Variants in DNAAF10 observed in about 807,000 individuals in gnomAD.
DNAAF10 encodes the protein dynein axonemal assembly factor 10.
DNAAF10 carries 28 observed loss-of-function variants against 43.7 expected under a neutral mutation model. The ratio of observed to expected loss-of-function variants is 0.64; its 90% CI spans 0.48 to 0.88. The LOEUF is 0.88. Ranked by LOEUF, DNAAF10 falls within the 40% of genes least tolerant of loss-of-function variation. The pLI, the probability that DNAAF10 is intolerant of heterozygous loss-of-function variation, is 0.00. For synonymous variants in DNAAF10, 156 were observed against 157.3 expected (o/e 0.99, Z 0.06); for missense variants, 403 against 439.1 (o/e 0.92, Z 0.73).
In DNAAF10 at chr2:68,153,785, C is replaced by G. The variant is rs1198624381; in HGVS notation, c.183+3476G>C. Among the ~76,000 whole-genome samples the G allele has an allele frequency of 4.7e-5, 6 of 128,098 alleles. No individual in the cohort carries two copies. The East Asian group carries it at 1.4e-3, about 30-fold the overall frequency. The allele number at this position is 128,098 out of a possible 152,430, so 84.0% of individuals were successfully genotyped here. On this transcript the variant is annotated intron_variant, in intron 1 of 7. Coordinates refer to ENST00000295121, the MANE Select transcript of DNAAF10 (RefSeq NM_138458.4). ...TTTTTTTTTTGGAGACAGAGTCTTCCTCTGTCTTCAGGCTGGAGTGCAATG... is the reference window on the plus strand; with the variant it reads ...TTTTTTTTTTGGAGACAGAGTCTTCGTCTGTCTTCAGGCTGGAGTGCAATG...
At chr2:68,136,818 A>T (rs1673054998) in intron 6 of DNAAF10, among the ~76,000 whole-genome samples, 1 of 152,210 alleles carries the variant, frequency 6.6e-6, no homozygotes, top group African/African-American at 2.4e-5. Context: ...AGGCAAAGTT[A>T]AGTAAGTAAA....
chr2:68,134,284 G>C, intron 7 of DNAAF10: 1 of 1,007,670 alleles, frequency 9.9e-7, no homozygotes, highest in Non-Finnish European at 1.2e-6. Context: ...AGCAAATTCA[G>C]TGATAAGATC....
intron 2 of DNAAF10, among the ~76,000 whole-genome samples, chr2:68,145,617 T>C (rs1244887864): frequency 6.6e-6 from 1 of 152,218 alleles, no homozygotes; most frequent in Non-Finnish European, 1.5e-5. Context: ...ACTGATTTTC[T>C]ACTGACATAT....
intron 2 of DNAAF10, among the ~76,000 whole-genome samples, chr2:68,146,823 TC>T (rs1481551268): frequency 6.6e-6 from 1 of 152,180 alleles, no homozygotes; most frequent in African/African-American, 2.4e-5. Flanking sequence ...TCTAGAACTT[TC>T]TCCATAATAT....
intron 3 of DNAAF10, among the ~76,000 whole-genome samples, chr2:68,142,278 T>C (rs1207855411): frequency 6.6e-6 from 1 of 152,210 alleles, no homozygotes; most frequent in Non-Finnish European, 1.5e-5. Flanking sequence ...TCTTTTGTTT[T>C]GAGATGGAGT....
At position 68,130,170 on chromosome 2, in the gene DNAAF10, G is replaced by T. The variant is rs368337416; in HGVS notation, c.*1068C>A. On this transcript the variant is annotated 3_prime_UTR_variant, in exon 8 of 8. Transcript: ENST00000295121. The stretch of plus-strand genomic sequence containing the variant: ...TTTTGAGACGGAGTCTCACTCTGTC[G>T]CCAGGGCTGGAGTGCAGTGGCGCAA... 2.2e-4 allele frequency: 30 copies of T among 136,854 alleles called. No homozygotes were observed. The highest frequency in any genetic ancestry group is 6.1e-5 in the Non-Finnish European group (4 of 65,634). 8.5% of individuals were successfully genotyped at this position (136,854 alleles called of 1,614,324 possible).
intron 1 of DNAAF10, among the ~76,000 whole-genome samples, chr2:68,153,876 T>C (rs923576488): frequency 1.3e-5 from 2 of 150,132 alleles, no homozygotes; most frequent in Non-Finnish European, 3.0e-5. Context: ...CTCAGCCTCC[T>C]GAGTAGCTGG....
At chr2:68,136,345 G>A (rs1401089842) in intron 6 of DNAAF10, among the ~76,000 whole-genome samples, 1 of 151,918 alleles carries the variant, frequency 6.6e-6, no homozygotes, top group Non-Finnish European at 1.5e-5. Flanking sequence ...GATTTATGTT[G>A]TTGATAGATA....
At chr2:68,150,946 C>A (rs994892223) in intron 1 of DNAAF10, among the ~76,000 whole-genome samples, 2 of 152,162 alleles carry the variant, frequency 1.3e-5, no homozygotes, top group African/African-American at 4.8e-5. Context: ...AACAGCACTG[C>A]AATGTGCAGA....
At chr2:68,150,406 C>T (rs1673424942) in intron 1 of DNAAF10, among the ~76,000 whole-genome samples, 1 of 151,980 alleles carries the variant, frequency 6.6e-6, no homozygotes, top group Non-Finnish European at 1.5e-5. Context: ...TCTTAGCTTG[C>T]CTGGTAGAAA....
intron 1 of DNAAF10, among the ~76,000 whole-genome samples, chr2:68,154,498 G>A (rs1228064037): frequency 8.6e-5 from 13 of 151,866 alleles, no homozygotes; most frequent in African/African-American, 2.9e-4. Context: ...CACCCGCCTC[G>A]GCCTCCCAAA....
chr2:68,132,199 C>A (rs903500607), intron 7 of DNAAF10, among the ~76,000 whole-genome samples: 17 of 152,186 alleles, frequency 1.1e-4, no homozygotes, highest in African/African-American at 4.1e-4. Flanking sequence ...AAAAGTATCA[C>A]TCCTCAGAAG....
intron 2 of DNAAF10, among the ~76,000 whole-genome samples, chr2:68,146,128 G>T (rs1444714074): frequency 6.6e-6 from 1 of 152,130 alleles, no homozygotes; most frequent in Non-Finnish European, 1.5e-5. Flanking sequence ...CAGGCGTGGT[G>T]GTGGGCACCT....
chr2:68,146,729 T>C (rs981868513), intron 2 of DNAAF10, among the ~76,000 whole-genome samples: 1 of 152,156 alleles, frequency 6.6e-6, no homozygotes, highest in Non-Finnish European at 1.5e-5. Flanking sequence ...AGTAATGTAA[T>C]TATACAGTAG....
chr2:68,132,752 G>A (rs1339825928), intron 7 of DNAAF10, among the ~76,000 whole-genome samples: 1 of 152,284 alleles, frequency 6.6e-6, no homozygotes. Context: ...CCCTTTGCTG[G>A]TACAATACTT....
rs1347659151 is a variant in DNAAF10, at chr2:68,157,483, AG to A, written c.-41del. The A allele has an allele frequency of 6.2e-7, 1 of 1,613,950 alleles. No individual in the cohort carries two copies. Among genetic ancestry groups the A allele is most frequent in the Non-Finnish European group, 8.5e-7 (1 of 1,179,992 alleles). On this transcript the variant is annotated 5_prime_UTR_variant, in exon 1 of 8. It removes the in-frame stop codon of an upstream open reading frame in the 5' UTR. Transcript: ENST00000295121. ...CAGCTACGGCAACCGCCACACCCAG[AG>A]CCCCCAAAAACGGCAACCTGGAAAC...
chr2:68,137,555 T>C, intron 5 of DNAAF10, 122 bp from the exon 6 acceptor site: 1 of 1,038,700 alleles, frequency 9.6e-7, no homozygotes, highest in Middle Eastern at 3.4e-4. Flanking sequence ...CAATCATTTA[T>C]CTTTTAACTT....
Position 68,131,090 on chromosome 2 carries a change from T to A in DNAAF10, c.*148A>T. Reference sequence around the variant, plus strand: ...GCCATGACACCCAGCAAATTTTTTTTTATATTTTTAGTAGAGACGGGGTTT... The same window carrying A: ...GCCATGACACCCAGCAAATTTTTTTATATATTTTTAGTAGAGACGGGGTTT... On this transcript the variant is annotated 3_prime_UTR_variant, in exon 8 of 8. Transcript: ENST00000295121. 1 of 699,830 alleles carries A rather than the reference T, an allele frequency of 1.4e-6. No individual in the cohort carries two copies. Among genetic ancestry groups the A allele is most frequent in the Non-Finnish European group, 2.2e-6 (1 of 444,462 alleles). The allele number at this position is 699,830 out of a possible 1,614,324, so 43.4% of individuals were successfully genotyped here. A position where few individuals can be genotyped will look rare whatever the true frequency, so the allele number is the denominator to read the frequency against.
At chr2:68,133,353 G>A (rs972436840) in intron 7 of DNAAF10, among the ~76,000 whole-genome samples, 5 of 151,936 alleles carry the variant, frequency 3.3e-5, no homozygotes, top group Admixed American at 6.6e-5. Flanking sequence ...GGCAATTCTC[G>A]TGCCTCAGCC....
Sources: allele counts gnomAD v4.1 joint callset (sites outside exome capture counted in the v4.1 genomes callset), GRCh38; gene constraint gnomAD v4.1.1; transcripts MANE v1.5; gene names NCBI Gene and HGNC (gene_info 2026-07-23, HGNC 2026-07-21).